Variants in ELP4 observed in about 807,000 individuals in gnomAD.
ELP4 encodes elongator acetyltransferase complex subunit 4.
Under a neutral mutation model 48.9 loss-of-function variants are expected in ELP4, and 51 were observed. That is an observed-to-expected ratio of 1.04 (90% CI 0.83 to 1.32). ELP4 has a LOEUF of 1.32. Among genes scored for constraint, ELP4 ranks in the 40% most tolerant of loss-of-function variants. The probability of loss-of-function intolerance (pLI) is 0.00; values close to 1 mark genes in which losing one functional copy is unlikely to be tolerated. For synonymous variants in ELP4, 210 were observed against 189.2 expected, an observed-to-expected ratio of 1.11 and a Z score of -0.90; for missense variants, 519 against 514.6, an observed-to-expected ratio of 1.01 and a Z score of -0.08.
At chr11:31,538,468 C>T (rs1956539522) in intron 2 of ELP4, among the ~76,000 whole-genome samples, 1 of 149,052 alleles carries the variant, frequency 6.7e-6, no homozygotes. Context: ...AAAACCAAAG[C>T]CAGTAACATT....
At chr11:31,595,361 G>T (rs1320152658) in intron 4 of ELP4, among the ~76,000 whole-genome samples, 1 of 152,084 alleles carries the variant, frequency 6.6e-6, no homozygotes, top group Non-Finnish European at 1.5e-5. Context: ...CAGAACAAAT[G>T]CCAATAAATC....
intron 7 of ELP4, among the ~76,000 whole-genome samples, chr11:31,640,246 A>G (rs889830523): frequency 1.3e-5 from 2 of 151,916 alleles, no homozygotes; most frequent in Non-Finnish European, 2.9e-5. Context: ...TTAATTTTTC[A>G]TTTATTTTAC....
chr11:31,617,857 C>T (rs1021921097), intron 5 of ELP4, among the ~76,000 whole-genome samples: 1 of 151,818 alleles, frequency 6.6e-6, no homozygotes, highest in Non-Finnish European at 1.5e-5. Context: ...TCAAAACCAT[C>T]ATACATAGCT....
chr11:31,728,163 G>A (rs1947114786), intron 9 of ELP4, among the ~76,000 whole-genome samples: 2 of 152,148 alleles, frequency 1.3e-5, no homozygotes. Flanking sequence ...GGATATGCTA[G>A]GTTGAAGAAT....
intron 2 of ELP4, among the ~76,000 whole-genome samples, chr11:31,526,239 A>G (rs1440318056): frequency 6.6e-6 from 1 of 152,124 alleles, no homozygotes; most frequent in African/African-American, 2.4e-5. Context: ...TTCACAATCA[A>G]ATTTCTCATT....
At chr11:31,763,206 T>C (rs1947981194) in intron 9 of ELP4, among the ~76,000 whole-genome samples, 1 of 152,100 alleles carries the variant, frequency 6.6e-6, no homozygotes, top group Admixed American at 6.6e-5. Flanking sequence ...ATTGAAAATA[T>C]GCATTCTTAA....
chr11:31,562,827 T>C (rs1012339804), intron 3 of ELP4, among the ~76,000 whole-genome samples: 20 of 152,282 alleles, frequency 1.3e-4, no homozygotes, highest in Admixed American at 1.2e-3. Context: ...CCTGACTTTA[T>C]GCCATTCTAT....
rs367725603 is a variant in ELP4 at position 31,703,413 on chromosome 11, C to A, written c.1143+53192C>A. Among the ~76,000 whole-genome samples, 18 of 152,168 alleles carry A rather than the reference C, an allele frequency of 1.2e-4. No individual in the cohort carries two copies. In the East Asian group the frequency reaches 2.1e-3, roughly 18 times the overall value. On this transcript the variant is annotated intron_variant, in intron 9 of 9. Transcript: ENST00000640961. ...CTAGTTTTAAGCAATTATAATTGAT[C>A]AAAAACATTAGCCAGTGTTTTTCAA...
At chr11:31,671,785 A>G (rs1044925397) in intron 9 of ELP4, among the ~76,000 whole-genome samples, 5 of 152,208 alleles carry the variant, frequency 3.3e-5, no homozygotes, top group African/African-American at 1.2e-4. Flanking sequence ...CTCAAGGTAG[A>G]AAATAAACAA....
chr11:31,515,526 A>G (rs1294893261), intron 1 of ELP4, among the ~76,000 whole-genome samples: 1 of 152,136 alleles, frequency 6.6e-6, no homozygotes, highest in Non-Finnish European at 1.5e-5. Flanking sequence ...TTAGCCAGTC[A>G]TGGTTACATG....
chr11:31,707,985 C>G (rs1361330833), intron 9 of ELP4, among the ~76,000 whole-genome samples: 1 of 152,164 alleles, frequency 6.6e-6, no homozygotes, highest in East Asian at 1.9e-4. Context: ...AAGTAACATT[C>G]ACGGATTCCA....
chr11:31,547,245 T>C (rs1956745508), intron 3 of ELP4, among the ~76,000 whole-genome samples: 1 of 151,726 alleles, frequency 6.6e-6, no homozygotes, highest in South Asian at 2.1e-4. Flanking sequence ...CTAGCAAGAC[T>C]AATAAAGAAA....
At chr11:31,517,384 G>A (rs1053701199) in intron 1 of ELP4, among the ~76,000 whole-genome samples, 3 of 151,848 alleles carry the variant, frequency 2.0e-5, no homozygotes, top group Admixed American at 6.6e-5. Context: ...GGATGGTCTC[G>A]AACACCTGAG....
At chr11:31,603,235 T>G (rs191694116) in intron 4 of ELP4, among the ~76,000 whole-genome samples, 16 of 151,982 alleles carry the variant, frequency 1.1e-4, no homozygotes, top group Admixed American at 4.6e-4. Context: ...ATAAGCTTAA[T>G]TTAAATTTGC....
At chr11:31,744,602 T>G (rs527933622) in intron 9 of ELP4, among the ~76,000 whole-genome samples, 2 of 152,310 alleles carry the variant, frequency 1.3e-5, no homozygotes, top group African/African-American at 4.8e-5. Context: ...AATCAATAAA[T>G]GTAATTCTGC....
chr11:31,595,329 G>A (rs1026782419), intron 4 of ELP4, among the ~76,000 whole-genome samples: 80 of 152,208 alleles, frequency 5.3e-4, no homozygotes, highest in Non-Finnish European at 1.6e-4. Context: ...GGTAAGAAAT[G>A]AAGGAAAAAT....
chr11:31,544,223 G>C (rs947236993), intron 3 of ELP4, among the ~76,000 whole-genome samples: 11 of 152,256 alleles, frequency 7.2e-5, no homozygotes, highest in Non-Finnish European at 1.5e-4. Flanking sequence ...AAGCGCAAAG[G>C]GTCAGGGAGT....
At chr11:31,704,972 C>T (rs1306641587) in intron 9 of ELP4, among the ~76,000 whole-genome samples, 3 of 150,206 alleles carry the variant, frequency 2.0e-5, no homozygotes, top group Admixed American at 6.6e-5. Context: ...GATCGCGCCA[C>T]TGCACGCCAA....
chr11:31,608,039 ATT>A (rs35425354), intron 5 of ELP4, among the ~76,000 whole-genome samples: 145 of 146,020 alleles, frequency 9.9e-4, no homozygotes, highest in Non-Finnish European at 9.0e-4. Context: ...AGAGTTTGCA[ATT>A]TTTTTTTTTT....
Sources: gnomAD v4.1 joint callset for allele counts (sites outside exome capture counted in the v4.1 genomes callset) on GRCh38, gnomAD v4.1.1 for gene constraint, MANE v1.5 for transcripts, NCBI Gene and HGNC (gene_info 2026-07-23, HGNC 2026-07-21) for gene names.